The following CTNS variants were observed in gnomAD, a reference collection of about 807,000 sequenced individuals.
The protein encoded by CTNS is cystinosin, lysosomal cystine transporter.
Under a neutral mutation model 43.7 loss-of-function variants are expected in CTNS, and 27 were observed. The observed-to-expected ratio is 0.62, with a 90% CI of 0.46 to 0.85. CTNS has a LOEUF of 0.85. Among genes scored for constraint, CTNS ranks in the 40% least tolerant of loss-of-function variants. The pLI is 0.00. For missense variants in CTNS, 457 were observed against 475.4 expected (o/e 0.96, Z 0.36); for synonymous variants, 187 against 190.6 (o/e 0.98, Z 0.16).
rs1567719691 is a variant in CTNS, at chr17:3,662,331, T to C, written c.*1962T>C. On this transcript the variant is annotated 3_prime_UTR_variant, in exon 12 of 12. Transcript: ENST00000046640. Reference sequence around the variant, plus strand: ...CATCTCAAAAAAAAAAAAAAATTATTGACTTTTCTTTAAAATCTGATTTGG... The same window carrying C: ...CATCTCAAAAAAAAAAAAAAATTATCGACTTTTCTTTAAAATCTGATTTGG... Among the ~76,000 whole-genome samples, 1 of 151,416 alleles carries C rather than the reference T, an allele frequency of 6.6e-6. No individual in the cohort carries two copies. Among genetic ancestry groups the C allele is most frequent in the Non-Finnish European group, 1.5e-5 (1 of 67,882 alleles).
In CTNS at chr17:3,661,859, C is replaced by T. The variant is rs781643412; in HGVS notation, c.*1490C>T. On this transcript the variant is annotated 3_prime_UTR_variant, in exon 12 of 12. Transcript: ENST00000046640. ...GGCAGTGGGGGTCTTATTCTCCAGACGCTTCCTCTATCTAGTTGTAACAAA... is the reference window on the plus strand; with the variant it reads ...GGCAGTGGGGGTCTTATTCTCCAGATGCTTCCTCTATCTAGTTGTAACAAA... 2.0e-5 allele frequency among the ~76,000 whole-genome samples: 3 copies of T among 152,180 alleles called. No homozygotes were observed. Among genetic ancestry groups the T allele is most frequent in the East Asian group, 1.9e-4 (1 of 5,194 alleles).
At chr17:3,657,693 G>T in intron 9 of CTNS, 1 of 455,438 alleles carries the variant, frequency 2.2e-6, no homozygotes, top group South Asian at 2.2e-5. Context: ...GCTGAGAGGC[G>T]CCCAGTTCTG....
intron 11 of CTNS, 46 bp downstream of exon 11, chr17:3,660,021 G>A (rs201948721): frequency 4.2e-5 from 64 of 1,542,076 alleles, no homozygotes; most frequent in Non-Finnish European, 4.9e-5. Flanking sequence ...CTGGGGCATC[G>A]GGCGGGGCCA....
In CTNS at chr17:3,655,081, A is replaced by G; in HGVS notation, c.309A>G (p.Gly103=). ...GACAACTTACTGTTTATCTACATGG[A>G]AATCACTCCAATCAGACCGGGTAGG... is the stretch of plus-strand genomic sequence containing the variant. ...NVGQLTVYLH[G]NHSNQTGPRI... is the part of the protein sequence containing the mutation. Residue 103 remains glycine, a synonymous_variant, in exon 6 of 12, where the codon GGA becomes GGG. Coordinates refer to ENST00000046640, the MANE Select transcript of CTNS (RefSeq NM_004937.3). The G allele has an allele frequency of 6.2e-7, 1 of 1,614,092 alleles. No individual in the cohort carries two copies. Among genetic ancestry groups the G allele is most frequent in the Non-Finnish European group, 8.5e-7 (1 of 1,179,924 alleles).
At chr17:3,639,050 G>A (rs2075614659) in intron 2 of CTNS, among the ~76,000 whole-genome samples, 2 of 152,178 alleles carry the variant, frequency 1.3e-5, no homozygotes, top group African/African-American at 4.8e-5. Flanking sequence ...GAGTGTGTAA[G>A]GGAGATGTCC....
Position 3,660,165 on chromosome 17 carries a change from C to T in CTNS, c.971-71C>T, listed in dbSNP as rs2076252645. On this transcript the variant is annotated intron_variant, in intron 11 of 11. Transcript: ENST00000046640. Reference sequence around the variant, plus strand: ...GTTTTCTGGGACCCCCACCGCCCACCACCCCACAAGCTCCAGCTGCCTCAG... The same window carrying T: ...GTTTTCTGGGACCCCCACCGCCCACTACCCCACAAGCTCCAGCTGCCTCAG... 2.5e-6 allele frequency: 4 copies of T among 1,605,254 alleles called. No individual in the cohort carries two copies. The African/African-American group carries it at 5.4e-5, about 21-fold the overall frequency.
chr17:3,646,579 G>A (rs1046268194), intron 3 of CTNS, among the ~76,000 whole-genome samples: 1 of 152,002 alleles, frequency 6.6e-6, no homozygotes, highest in Non-Finnish European at 1.5e-5. Flanking sequence ...GAGCCACCAC[G>A]CCTGCCCAGT....
chr17:3,660,673 G>A lies in CTNS; in HGVS notation c.*304G>A, dbSNP rs753675896. The A allele has an allele frequency of 9.9e-6, 16 of 1,613,444 alleles. No individual in the cohort carries two copies. In the African/African-American group the frequency reaches 2.0e-4, roughly 20 times the overall value. ...CGTCTCAGGCAGGACTGGGCACCAA[G>A]CTTGCAGCCGAAGGCCTTGCCCCAA... On this transcript the variant is annotated 3_prime_UTR_variant, in exon 12 of 12. Coordinates refer to ENST00000046640, the MANE Select transcript of CTNS (RefSeq NM_004937.3).
intron 7 of CTNS, 128 bp downstream of exon 7, chr17:3,655,480 G>A: frequency 1.4e-6 from 2 of 1,428,168 alleles, no homozygotes; most frequent in South Asian, 2.3e-5. Flanking sequence ...TTTCCAGAAA[G>A]TTGTCCCAGT....
Position 3,660,673 on chromosome 17 carries a change from GCTTGCAGCCGAAGGC to G in CTNS, c.*310_*324del. ...CGTCTCAGGCAGGACTGGGCACCAA[GCTTGCAGCCGAAGGC>G]CTTGCCCCAAACTACCAGCGTTTCT... is the stretch of plus-strand genomic sequence containing the variant. On this transcript the variant is annotated 3_prime_UTR_variant, in exon 12 of 12. Transcript: ENST00000046640. 1 of 1,613,562 alleles carries G rather than the reference GCTTGCAGCCGAAGGC, an allele frequency of 6.2e-7. No homozygotes were observed. The highest frequency in any genetic ancestry group is 8.5e-7 in the Non-Finnish European group (1 of 1,179,982).
At chr17:3,644,715 C>T (rs1343793569) in intron 3 of CTNS, among the ~76,000 whole-genome samples, 1 of 152,222 alleles carries the variant, frequency 6.6e-6, no homozygotes, top group Non-Finnish European at 1.5e-5. Context: ...CCACCTGCCT[C>T]GGCCTCCCAA....
At chr17:3,648,688 G>T (rs578115097) in intron 4 of CTNS, among the ~76,000 whole-genome samples, 159 bp from the exon 5 acceptor site, 2 of 152,192 alleles carry the variant, frequency 1.3e-5, no homozygotes. Context: ...GAAGGCCTAC[G>T]GGAGCACGAT....
intron 10 of CTNS, among the ~76,000 whole-genome samples, chr17:3,658,724 GT>G (rs2076213886): frequency 6.6e-6 from 1 of 152,228 alleles, no homozygotes; most frequent in South Asian, 2.1e-4. Flanking sequence ...CCTTGTTCCA[GT>G]GCCCCCAGCC....
chr17:3,656,725 A>G lies in CTNS; in HGVS notation c.611A>G (p.Asn204Ser). The G allele has an allele frequency of 6.2e-7, 1 of 1,613,418 alleles. No individual in the cohort carries two copies. The highest frequency in any genetic ancestry group is 1.3e-5 in the African/African-American group (1 of 74,984). The change falls in exon 9 of 12, where the codon AAC becomes AGC. Residue 204 changes from asparagine to serine, a missense_variant. Coordinates refer to ENST00000046640, the MANE Select transcript of CTNS (RefSeq NM_004937.3). ...YPNGVNPVNSNDVFFSLHAVV... is the reference protein window; with the variant it reads ...YPNGVNPVNSSDVFFSLHAVV... ...AACGGAGTGAACCCCGTGAACAGCA[A>G]CGACGTCTTCTTCAGCCTGCACGCG...
Position 3,658,154 on chromosome 17 carries a change from G to C in CTNS, c.831G>C (p.Thr277=). 1 of 1,612,056 alleles carries C rather than the reference G, an allele frequency of 6.2e-7. No individual in the cohort carries two copies. The highest frequency in any genetic ancestry group is 8.5e-7 in the Non-Finnish European group (1 of 1,179,786). ...FCFSYIKLAV[T]LVKYFPQAYM... ...TCTCCTACATCAAGCTCGCAGTCAC[G>C]CTGGTCAAGTATTTTCCACAGGTAC... The change falls in exon 10 of 12, where the codon ACG becomes ACC. Residue 277 remains threonine (T), a synonymous_variant. Coordinates refer to ENST00000046640, the MANE Select transcript of CTNS (RefSeq NM_004937.3).
At chr17:3,654,682 A>C (rs2076080571) in intron 5 of CTNS, among the ~76,000 whole-genome samples, 1 of 144,772 alleles carries the variant, frequency 6.9e-6, no homozygotes, top group Non-Finnish European at 1.5e-5. Flanking sequence ...CTCCGTCTCA[A>C]AAAAAAAAAA....
chr17:3,640,811 G>C (rs1435145789), intron 3 of CTNS, among the ~76,000 whole-genome samples: 1 of 152,198 alleles, frequency 6.6e-6, no homozygotes, highest in African/African-American at 2.4e-5. Context: ...GGCTGAGGCA[G>C]GAAGATTGCC....
chr17:3,639,395 C>T lies in CTNS; in HGVS notation c.-19-793C>T, dbSNP rs772368563. 1.8e-4 allele frequency among the ~76,000 whole-genome samples: 28 copies of T among 152,256 alleles called. No individual in the cohort carries two copies. In the Middle Eastern group the frequency reaches 0.02, roughly 111 times the overall value. ...TTGTCAAATAAAGTCTTGACAGGCG[C>T]GGTGGCTCCTACCTGTAACCCCAGC... On this transcript the variant is annotated intron_variant, in intron 2 of 11. Transcript: ENST00000046640.
At chr17:3,655,409 C>G in intron 7 of CTNS, 57 bp downstream of exon 7, 1 of 1,608,964 alleles carries the variant, frequency 6.2e-7, no homozygotes, top group Non-Finnish European at 8.5e-7. Flanking sequence ...GCAGGGCGTT[C>G]CAGCAAGGCT....
Sources: gnomAD v4.1 joint callset for allele counts (sites outside exome capture counted in the v4.1 genomes callset) on GRCh38, gnomAD v4.1.1 for gene constraint, MANE v1.5 for transcripts, NCBI Gene and HGNC (gene_info 2026-07-23, HGNC 2026-07-21) for gene names.